The following CACNA2D3 variants were observed in gnomAD, a reference collection of about 807,000 sequenced individuals.
CACNA2D3 encodes the protein voltage-dependent calcium channel subunit alpha-2/delta-3.
In CACNA2D3, 60 loss-of-function variants were observed where a neutral mutation model predicts 160.6. That is an observed-to-expected ratio of 0.37 (90% CI 0.30 to 0.46). CACNA2D3 has a LOEUF of 0.46. Among genes scored for constraint, CACNA2D3 ranks in the 20% least tolerant of loss-of-function variants. The pLI is 1.00. For synonymous variants in CACNA2D3, 558 were observed against 492.9 expected (o/e 1.13, Z -1.75); for missense variants, 1,205 against 1,365.0 (o/e 0.88, Z 1.85).
At position 55,070,145 on chromosome 3, in the gene CACNA2D3, T is replaced by A. The variant is rs146372324; in HGVS notation, c.2988-3300T>A. On this transcript the variant is annotated intron_variant, in intron 35 of 37. Coordinates refer to ENST00000474759, the MANE Select transcript of CACNA2D3 (RefSeq NM_018398.3). ...CTCAGGCAGTCAGGTGCAGCCCTGT[T>A]GCCTTGGAAACTACAGTCTTTTATG... is the stretch of plus-strand genomic sequence containing the variant. 2.1e-4 allele frequency among the ~76,000 whole-genome samples: 32 copies of A among 152,318 alleles called. No individual in the cohort carries two copies. In the East Asian group the frequency reaches 5.8e-3, roughly 28 times the overall value.
At chr3:54,894,414 C>G (rs972258201) in intron 25 of CACNA2D3, among the ~76,000 whole-genome samples, 1 of 152,124 alleles carries the variant, frequency 6.6e-6, no homozygotes. Context: ...ACTGGACACC[C>G]AGATGTGCAG....
chr3:55,022,784 T>A (rs1703488124), intron 35 of CACNA2D3, among the ~76,000 whole-genome samples: 1 of 151,794 alleles, frequency 6.6e-6, no homozygotes, highest in Non-Finnish European at 1.5e-5. Context: ...TTTACGATGT[T>A]TCAATTGGTG....
At chr3:54,802,013 T>C (rs1703001030) in intron 13 of CACNA2D3, among the ~76,000 whole-genome samples, 1 of 152,236 alleles carries the variant, frequency 6.6e-6, no homozygotes, top group Non-Finnish European at 1.5e-5. Flanking sequence ...ATGACTAGTT[T>C]TAAAGTAGTA....
chr3:54,948,097 C>T (rs1305296207), intron 27 of CACNA2D3, among the ~76,000 whole-genome samples: 1 of 152,206 alleles, frequency 6.6e-6, no homozygotes, highest in Non-Finnish European at 1.5e-5. Flanking sequence ...TATCACCCAT[C>T]AAGTGCTCTC....
rs1383313191 is a variant in CACNA2D3, at chr3:54,891,340, G to T, written c.2151-15G>T. On this transcript the variant is annotated splice_polypyrimidine_tract_variant and intron_variant, in intron 24 of 37. Transcript: ENST00000474759. ...GTCTAGAGGCCTCCCCCTGACGTCTGTTGTTCTGTTTCAGAAATTCTGACA... is the reference window on the plus strand; with the variant it reads ...GTCTAGAGGCCTCCCCCTGACGTCTTTTGTTCTGTTTCAGAAATTCTGACA... The T allele has an allele frequency of 1.9e-6, 3 of 1,603,514 alleles. No homozygotes were observed. Among genetic ancestry groups the T allele is most frequent in the Non-Finnish European group, 2.6e-6 (3 of 1,170,510 alleles).
At chr3:54,563,574 T>C (rs569609395) in intron 6 of CACNA2D3, among the ~76,000 whole-genome samples, 21 of 152,312 alleles carry the variant, frequency 1.4e-4, no homozygotes, top group Admixed American at 1.0e-3. Flanking sequence ...TGTGATAGGA[T>C]TTTAATTCTG....
intron 4 of CACNA2D3, among the ~76,000 whole-genome samples, chr3:54,440,464 T>A (rs2106792960): frequency 6.6e-6 from 1 of 152,302 alleles, no homozygotes; most frequent in Admixed American, 6.5e-5. Context: ...GAATGGTGTC[T>A]TCTATTTCTT....
intron 18 of CACNA2D3, among the ~76,000 whole-genome samples, chr3:54,873,360 TCTTC>T (rs1699584631): frequency 6.6e-6 from 1 of 152,036 alleles, no homozygotes; most frequent in African/African-American, 2.4e-5. Context: ...TTGCCCTTCC[TCTTC>T]CTTCTTCACT....
At chr3:54,744,675 A>G (rs1449196230) in intron 11 of CACNA2D3, among the ~76,000 whole-genome samples, 1 of 152,182 alleles carries the variant, frequency 6.6e-6, no homozygotes, top group Non-Finnish European at 1.5e-5. Context: ...TCTTCAACCA[A>G]ACTTCTGGGC....
At chr3:54,381,570 C>G (rs921948315) in intron 3 of CACNA2D3, among the ~76,000 whole-genome samples, 3 of 152,110 alleles carry the variant, frequency 2.0e-5, no homozygotes, top group African/African-American at 4.8e-5. Context: ...CGCTTCTGGC[C>G]CATGACGGAA....
intron 2 of CACNA2D3, among the ~76,000 whole-genome samples, chr3:54,194,859 A>G (rs1178633623): frequency 6.6e-6 from 1 of 152,084 alleles, no homozygotes; most frequent in African/African-American, 2.4e-5. Flanking sequence ...ACCTCTTAAT[A>G]CTATCACAAT....
intron 13 of CACNA2D3, among the ~76,000 whole-genome samples, chr3:54,786,713 G>A (rs749402087): frequency 1.3e-5 from 2 of 152,118 alleles, no homozygotes; most frequent in Non-Finnish European, 2.9e-5. Context: ...TAACCTAGTT[G>A]ATAAACAGTA....
At chr3:54,302,983 G>A (rs917103065) in intron 2 of CACNA2D3, among the ~76,000 whole-genome samples, 10 of 151,958 alleles carry the variant, frequency 6.6e-5, no homozygotes, top group Non-Finnish European at 2.9e-5. Flanking sequence ...ATGCCTGGGA[G>A]TCTCTTGTCT....
At chr3:54,426,859 T>A (rs1470183897) in intron 4 of CACNA2D3, among the ~76,000 whole-genome samples, 2 of 152,222 alleles carry the variant, frequency 1.3e-5, no homozygotes, top group African/African-American at 4.8e-5. Context: ...ATCCTTTGAT[T>A]TCTTTGCATT....
rs1224289873 is a variant in CACNA2D3, at chr3:54,417,403, A to G, written c.381+30629A>G. On this transcript the variant is annotated intron_variant, in intron 4 of 37. Transcript: ENST00000474759. ...GATGTTTTACTAATCAACTGTGTGA[A>G]CTTGGGCAAGTCATATGTTCTTTCA... Among the ~76,000 whole-genome samples the G allele has an allele frequency of 1.1e-4, 17 of 152,300 alleles. No homozygotes were observed. The East Asian group carries it at 3.3e-3, about 29-fold the overall frequency.
At chr3:54,758,841 G>A (rs1702028087) in intron 12 of CACNA2D3, among the ~76,000 whole-genome samples, 1 of 152,150 alleles carries the variant, frequency 6.6e-6, no homozygotes, top group Non-Finnish European at 1.5e-5. Flanking sequence ...GGAATCAAAG[G>A]AAGCTACACC....
At chr3:54,404,379 AAC>A (rs755484530) in intron 4 of CACNA2D3, among the ~76,000 whole-genome samples, 10 of 152,174 alleles carry the variant, frequency 6.6e-5, no homozygotes, top group Non-Finnish European at 1.3e-4. Context: ...AACAGACAAA[AAC>A]CACACGATCA....
intron 2 of CACNA2D3, among the ~76,000 whole-genome samples, chr3:54,145,537 T>C (rs1191216065): frequency 1.3e-5 from 2 of 152,132 alleles, no homozygotes. Flanking sequence ...TTCCAGGTGG[T>C]TTCTGAATGA....
chr3:54,602,158 A>G (rs1193603054), intron 9 of CACNA2D3, among the ~76,000 whole-genome samples: 1 of 152,184 alleles, frequency 6.6e-6, no homozygotes. Flanking sequence ...AGTACAAAAT[A>G]AAAATGCAGG....
Sources: gnomAD v4.1 joint callset for allele counts (sites outside exome capture counted in the v4.1 genomes callset) on GRCh38, gnomAD v4.1.1 for gene constraint, MANE v1.5 for transcripts, NCBI Gene and HGNC (gene_info 2026-07-23, HGNC 2026-07-21) for gene names.